The following LMF1 variants were observed in gnomAD, a reference collection of about 807,000 sequenced individuals.
LMF1 encodes the protein lipase maturation factor 1.
LMF1 carries 68 observed loss-of-function variants against 60.6 expected under a neutral mutation model. The observed-to-expected ratio is 1.12, with a 90% confidence interval of 0.92 to 1.37. LMF1 has a LOEUF of 1.37. LMF1 is among the 40% of genes most tolerant of loss of function. The pLI, the probability that LMF1 is intolerant of heterozygous loss-of-function variation, is 0.00. For synonymous variants in LMF1, 418 were observed against 324.7 expected, an observed-to-expected ratio of 1.29 and a Z score of -3.09; for missense variants, 948 against 767.2, an observed-to-expected ratio of 1.24 and a Z score of -2.78.
chr16:955,055 A>T (rs2072648260), intron 1 of LMF1, among the ~76,000 whole-genome samples: 3 of 151,572 alleles, frequency 2.0e-5, no homozygotes, highest in African/African-American at 4.8e-5. Flanking sequence ...ATCTAAGTAA[A>T]CTAGACACGT....
intron 10 of LMF1, chr16:855,323 GC>G (rs1420409338): frequency 1.1e-5 from 3 of 268,568 alleles, no homozygotes; most frequent in Non-Finnish European, 2.2e-5. Flanking sequence ...TGGGATGAAG[GC>G]CCCCACCCCC....
chr16:971,325 T>C (rs377589515), upstream of LMF1, among the ~76,000 whole-genome samples: 90 of 152,194 alleles, frequency 5.9e-4, no homozygotes, highest in African/African-American at 2.0e-3. Flanking sequence ...CCAGGTGCCC[T>C]CCCCCAGCCA....
Position 907,453 on chromosome 16 carries a change from C to T in LMF1, c.663+3478G>A, listed in dbSNP as rs115774688. 2.3e-3 allele frequency among the ~76,000 whole-genome samples: 355 copies of T among 152,186 alleles called. 2 individuals are homozygous for T. The highest frequency in any genetic ancestry group is 8.0e-3 in the African/African-American group (332 of 41,534). ...CTGATTTTGTGTGGTGGCCTTGAGG[C>T]CTGCAGCTGACGTCCAGCTCCGGCG... On this transcript the variant is annotated intron_variant, in intron 4 of 10. Transcript: ENST00000262301.
intron 10 of LMF1, among the ~76,000 whole-genome samples, chr16:868,590 C>T (rs2069677115): frequency 6.6e-6 from 1 of 152,170 alleles, no homozygotes; most frequent in Non-Finnish European, 1.5e-5. Context: ...AGGGCCCTGC[C>T]TGTCCTTCTT....
chr16:945,626 A>G (rs2072219294), intron 2 of LMF1, among the ~76,000 whole-genome samples: 1 of 152,200 alleles, frequency 6.6e-6, no homozygotes, highest in Admixed American at 6.5e-5. Flanking sequence ...TAGGTTAAGA[A>G]CGGAAAGGGT....
intron 5 of LMF1, 128 bp downstream of exon 5, chr16:892,879 C>G: frequency 1.4e-6 from 1 of 706,066 alleles, no homozygotes; most frequent in South Asian, 2.2e-5. Flanking sequence ...AGAGGACGTC[C>G]TGAATCAATG....
intron 2 of LMF1, among the ~76,000 whole-genome samples, chr16:939,702 G>A (rs544904699): frequency 1.3e-5 from 2 of 152,390 alleles, no homozygotes; most frequent in East Asian, 3.9e-4. Flanking sequence ...GGCGAGATGG[G>A]AAGATACTTG....
chr16:893,303 G>C (rs907366892), intron 4 of LMF1: 2 of 623,882 alleles, frequency 3.2e-6, no homozygotes, highest in South Asian at 3.1e-5. Context: ...GCGGGCGTGA[G>C]CAACAGTGGC....
intron 1 of LMF1, among the ~76,000 whole-genome samples, chr16:957,529 G>A (rs915935986): frequency 5.9e-5 from 9 of 152,106 alleles, no homozygotes; most frequent in African/African-American, 1.7e-4. Flanking sequence ...CCATAAATTC[G>A]GCACAATCTG....
intron 1 of LMF1, among the ~76,000 whole-genome samples, chr16:954,957 TCC>T (rs71990371): frequency 0.11 from 9,089 of 81,552 alleles, 435 homozygotes; most frequent in African/African-American, 0.18. Context: ...GGTGTGTGCA[TCC>T]ACACACACAC....
At chr16:968,147 G>A (rs757006433) in intron 1 of LMF1, among the ~76,000 whole-genome samples, 15 of 152,228 alleles carry the variant, frequency 9.9e-5, no homozygotes, top group East Asian at 5.8e-4. Context: ...GCCCAGGCCC[G>A]CGGTGGGAAG....
At chr16:912,348 A>G (rs12599616) in intron 3 of LMF1, among the ~76,000 whole-genome samples, 1,828 of 152,178 alleles carry the variant, frequency 0.012, 20 homozygotes, top group South Asian at 0.094. Flanking sequence ...GAGGGGAAGC[A>G]GACGGAGGCT....
At chr16:890,040 C>T (rs1171235626) in intron 5 of LMF1, among the ~76,000 whole-genome samples, 1 of 152,170 alleles carries the variant, frequency 6.6e-6, no homozygotes, top group Admixed American at 6.5e-5. Flanking sequence ...GGTGTCCTCG[C>T]TCTCCCCACA....
chr16:957,381 T>C (rs1347962534), intron 1 of LMF1, among the ~76,000 whole-genome samples: 1 of 152,028 alleles, frequency 6.6e-6, no homozygotes, highest in Non-Finnish European at 1.5e-5. Flanking sequence ...TTTATAAATC[T>C]AAAAACATAT....
At chr16:920,579 C>G (rs2071406222) in intron 3 of LMF1, among the ~76,000 whole-genome samples, 3 of 152,280 alleles carry the variant, frequency 2.0e-5, no homozygotes, top group Admixed American at 6.5e-5. Context: ...TAGAAAACAC[C>G]ACACAGAAGC....
chr16:883,772 A>C (rs1053107098), intron 5 of LMF1: 2 of 152,250 alleles, frequency 1.3e-5, no homozygotes, highest in African/African-American at 2.4e-5. Flanking sequence ...GAGGAAAACA[A>C]CACCAGATAA....
intron 10 of LMF1, among the ~76,000 whole-genome samples, chr16:865,945 A>G (rs568339244): frequency 6.6e-6 from 1 of 152,258 alleles, no homozygotes; most frequent in South Asian, 2.1e-4. Flanking sequence ...TGTGTCAGTT[A>G]TATTTTTCAC....
At chr16:936,765 A>C (rs2071959539) in intron 2 of LMF1, among the ~76,000 whole-genome samples, 1 of 152,214 alleles carries the variant, frequency 6.6e-6, no homozygotes, top group Non-Finnish European at 1.5e-5. Flanking sequence ...GAACGGAGAA[A>C]GGAAAAGGAG....
At chr16:949,272 G>A (rs71384605) in intron 2 of LMF1, among the ~76,000 whole-genome samples, 61,132 of 134,972 alleles carry the variant, frequency 0.45, 16,127 homozygotes, top group African/African-American at 0.68. Flanking sequence ...CAGAGTCAGA[G>A]ACAACGACAG....
Sources: allele counts gnomAD v4.1 joint callset (sites outside exome capture counted in the v4.1 genomes callset), GRCh38; gene constraint gnomAD v4.1.1; transcripts MANE v1.5; gene names NCBI Gene and HGNC (gene_info 2026-07-23, HGNC 2026-07-21).